Variants in PRKAG2 observed in about 807,000 individuals in gnomAD.
The protein encoded by PRKAG2 is protein kinase AMP-activated non-catalytic subunit gamma 2.
A neutral mutation model predicts 69.6 loss-of-function variants in PRKAG2; 26 were observed. The observed-to-expected ratio is 0.37, with a 90% CI of 0.27 to 0.52. The LOEUF is 0.52. Among genes scored for constraint, PRKAG2 ranks in the 20% least tolerant of loss-of-function variants. PRKAG2 has a pLI of 0.90. For missense variants in PRKAG2, 557 were observed against 740.0 expected, an observed-to-expected ratio of 0.75 and a Z score of 2.87; for synonymous variants, 293 against 285.0, an observed-to-expected ratio of 1.03 and a Z score of -0.28.
In PRKAG2 at chr7:151,777,574, C is replaced by T. The variant is rs546989423; in HGVS notation, c.466+3578G>A. Among the ~76,000 whole-genome samples, 101 of 152,258 alleles carry T rather than the reference C, an allele frequency of 6.6e-4. 6 individuals carry two copies. The South Asian group carries it at 0.016, about 24-fold the overall frequency. On this transcript the variant is annotated intron_variant, in intron 3 of 15. Coordinates refer to ENST00000287878, the MANE Select transcript of PRKAG2 (RefSeq NM_016203.4). This position sits in a 1 kb window ranked among gnomAD's most constrained non-coding sequence, Gnocchi z 4.3. ...AGCTCTGCATACCCCGGCTTTCCTT[C>T]GCCTTCCTCCATGAGTGGAAGCAGC...
At chr7:151,800,882 G>A (rs4726097) in intron 1 of PRKAG2, among the ~76,000 whole-genome samples, 2 of 152,012 alleles carry the variant, frequency 1.3e-5, no homozygotes, top group Non-Finnish European at 2.9e-5. Context: ...TGGTAACAGA[G>A]GTGCCACAGT....
chr7:151,766,078 T>C (rs7800069), intron 3 of PRKAG2, among the ~76,000 whole-genome samples: 64,603 of 152,010 alleles, frequency 0.42, 14,490 homozygotes, highest in East Asian at 0.73. Context: ...TCAGACTCAA[T>C]TCATCTCCTT....
intron 1 of PRKAG2, among the ~76,000 whole-genome samples, chr7:151,790,315 C>T (rs2077214878): frequency 6.6e-6 from 1 of 152,232 alleles, no homozygotes; most frequent in Non-Finnish European, 1.5e-5. Context: ...GTCAAACACA[C>T]TCTCTGGCTG....
intron 1 of PRKAG2, among the ~76,000 whole-genome samples, chr7:151,870,142 TAGATAGATAGATAGGCAGGCAGGC>T (rs1193222389): frequency 3.8e-5 from 5 of 131,470 alleles, no homozygotes; most frequent in Admixed American, 8.1e-5. Context: ...GATAGATAGA[TAGATAGATAGATAGGCAGGCAGGC>T]AGGCAGGCAG....
At chr7:151,855,415 T>TCCACACACACCATCCTCCACAC (rs2079730982) in intron 1 of PRKAG2, among the ~76,000 whole-genome samples, 1 of 12,508 alleles carries the variant, frequency 8.0e-5, no homozygotes, top group Non-Finnish European at 1.4e-4. Context: ...ACCCTCCACA[T>TCCACACACACCATCCTCCACAC]ACACCATGCT....
chr7:151,734,364 G>C (rs1799424983), intron 3 of PRKAG2: 1 of 152,092 alleles, frequency 6.6e-6, no homozygotes, highest in African/African-American at 2.4e-5. Context: ...ATTCCGGTCA[G>C]GGGACATGGC....
intron 3 of PRKAG2, among the ~76,000 whole-genome samples, chr7:151,697,495 A>T (rs1836883897): frequency 6.6e-6 from 1 of 152,082 alleles, no homozygotes; most frequent in African/African-American, 2.4e-5. Flanking sequence ...CCGCCGCTGG[A>T]AGTGAGGGTC....
chr7:151,675,520 G>C lies in PRKAG2; in HGVS notation c.584C>G (p.Ser195Cys), dbSNP rs750592417. The C allele has an allele frequency of 3.7e-6, 6 of 1,614,196 alleles. No homozygotes were observed. The South Asian group carries it at 6.6e-5, about 18-fold the overall frequency. ...CCTCTGCCCTGTGTCCGGGGGGGAA[G>C]ACGAGGCATAGATGCGATTCTCTAA... ...ERLENRIYAS[S>C]SPPDTGQRFC... The change falls in exon 4 of 16, where the codon TCT becomes TGT. Residue 195 changes from serine (S) to cysteine (C), a missense_variant. Ser to Cys is a moderately radical substitution (Grantham distance 112). Transcript: ENST00000287878.
chr7:151,647,739 C>T (rs980712652), intron 4 of PRKAG2, among the ~76,000 whole-genome samples: 2 of 152,070 alleles, frequency 1.3e-5, no homozygotes, highest in Non-Finnish European at 2.9e-5. Flanking sequence ...CTTAGGATTG[C>T]ATGTAAGAAG....
At chr7:151,701,582 A>G (rs2888788) in intron 3 of PRKAG2, among the ~76,000 whole-genome samples, 56,060 of 151,970 alleles carry the variant, frequency 0.37, 11,062 homozygotes, top group African/African-American at 0.49. Flanking sequence ...GGTGGCTCAC[A>G]CCTGTAATCC....
At chr7:151,843,735 C>A (rs2079364253) in intron 1 of PRKAG2, among the ~76,000 whole-genome samples, 2 of 152,198 alleles carry the variant, frequency 1.3e-5, no homozygotes, top group African/African-American at 4.8e-5. Context: ...AAAATAGATT[C>A]ATTTGGAATC....
At position 151,764,880 on chromosome 7, in the gene PRKAG2, G is replaced by A. The variant is rs537285249; in HGVS notation, c.466+16272C>T. ...GGGGAGGCTGCAGTGGGGACTCCAA[G>A]GTAACACACCTGCCCTCTGCCTCAC... On this transcript the variant is annotated intron_variant, in intron 3 of 15. Transcript: ENST00000287878. Among the ~76,000 whole-genome samples, 14 of 152,352 alleles carry A rather than the reference G, an allele frequency of 9.2e-5. No individual in the cohort carries two copies. In the East Asian group the frequency reaches 2.7e-3, roughly 29 times the overall value.
chr7:151,618,860 T>C (rs1238261619), intron 5 of PRKAG2, among the ~76,000 whole-genome samples: 2 of 152,202 alleles, frequency 1.3e-5, no homozygotes, highest in Non-Finnish European at 2.9e-5. Context: ...TTTTACAGGA[T>C]TTACAATTAT....
chr7:151,677,226 G>A (rs1050737103), intron 3 of PRKAG2, among the ~76,000 whole-genome samples: 5 of 151,856 alleles, frequency 3.3e-5, no homozygotes, highest in South Asian at 2.1e-4. Flanking sequence ...CACTCTTGTC[G>A]CCCAGGCTGC....
At chr7:151,795,876 T>TATATATATATACATATATATATATATAC (rs1563689650) in intron 1 of PRKAG2, among the ~76,000 whole-genome samples, 39 of 112,810 alleles carry the variant, frequency 3.5e-4, no homozygotes, top group African/African-American at 1.3e-3. Context: ...TATATATATA[T>TATATATATATACATATATATATATATAC]ATATATATAT....
chr7:151,827,996 C>T (rs2078947185), intron 1 of PRKAG2, among the ~76,000 whole-genome samples: 1 of 152,124 alleles, frequency 6.6e-6, no homozygotes, highest in African/African-American at 2.4e-5. Flanking sequence ...AGAAAAACTC[C>T]CAGGGTGATT....
chr7:151,776,935 C>T (rs149493122), intron 3 of PRKAG2, among the ~76,000 whole-genome samples: 1 of 152,290 alleles, frequency 6.6e-6, no homozygotes, highest in East Asian at 1.9e-4. Context: ...TTCTGAGCCC[C>T]AGCCTCATCC....
intron 1 of PRKAG2, among the ~76,000 whole-genome samples, chr7:151,838,488 G>T (rs186941278): frequency 1.3e-3 from 191 of 151,406 alleles, no homozygotes; most frequent in African/African-American, 4.4e-3. Context: ...CAGGAAGATT[G>T]CTTGAGCCCA....
At chr7:151,675,817 G>A (rs1461319776) in intron 3 of PRKAG2, among the ~76,000 whole-genome samples, 180 bp from the exon 4 acceptor site, 1 of 152,190 alleles carries the variant, frequency 6.6e-6, no homozygotes, top group African/African-American at 2.4e-5. Context: ...GAGGTGGTCA[G>A]AGGTCCCGCC....
Sources: gnomAD v4.1 joint callset for allele counts (sites outside exome capture counted in the v4.1 genomes callset) on GRCh38, gnomAD v4.1.1 for gene constraint, Gnocchi (gnomAD v3.1) non-coding constraint, MANE v1.5 for transcripts, NCBI Gene and HGNC (gene_info 2026-07-23, HGNC 2026-07-21) for gene names.